The following GFOD1 variants were observed in gnomAD, a reference collection of about 807,000 sequenced individuals.
The protein encoded by GFOD1 is Gfo/Idh/MocA-like oxidoreductase domain containing 1.
GFOD1 carries 9 observed loss-of-function variants against 25.4 expected under a neutral mutation model. The observed-to-expected ratio is 0.35, with a 90% CI of 0.21 to 0.62. The LOEUF (loss-of-function observed/expected upper bound fraction) is 0.62. Among genes scored for constraint, GFOD1 ranks in the 20% least tolerant of loss-of-function variants. The pLI, the probability that GFOD1 is intolerant of heterozygous loss-of-function variation, is 0.72. For synonymous variants in GFOD1, 253 were observed against 245.6 expected (o/e 1.03, Z -0.28); for missense variants, 403 against 556.9 (o/e 0.72, Z 2.78).
chr6:13,384,904 T>C (rs1785434814), intron 1 of GFOD1, among the ~76,000 whole-genome samples: 1 of 152,224 alleles, frequency 6.6e-6, no homozygotes, highest in South Asian at 2.1e-4. Flanking sequence ...AGGTTGGGGC[T>C]CCGTTTTATT....
At chr6:13,367,931 G>T (rs943382322) in intron 1 of GFOD1, among the ~76,000 whole-genome samples, 1 of 152,006 alleles carries the variant, frequency 6.6e-6, no homozygotes, top group African/African-American at 2.4e-5. Flanking sequence ...CGCAGATGTG[G>T]GAGAGACCCC....
At chr6:13,395,818 G>A (rs1785718413) in intron 1 of GFOD1, among the ~76,000 whole-genome samples, 2 of 152,204 alleles carry the variant, frequency 1.3e-5, no homozygotes, top group South Asian at 4.1e-4. Flanking sequence ...TCCCAGCCAT[G>A]AGCACAGAAG....
intron 1 of GFOD1, among the ~76,000 whole-genome samples, chr6:13,395,952 G>C (rs377161463): frequency 6.6e-6 from 1 of 152,198 alleles, no homozygotes; most frequent in South Asian, 2.1e-4. Context: ...GATGAGCAGA[G>C]GGCAGGCGGA....
At chr6:13,378,439 C>G (rs997725605) in intron 1 of GFOD1, among the ~76,000 whole-genome samples, 17 of 152,206 alleles carry the variant, frequency 1.1e-4, no homozygotes, top group Admixed American at 1.0e-3. Flanking sequence ...AACTGGAAAG[C>G]AAGAAGGGCT....
chr6:13,475,761 TAATA>T (rs1758610593), intron 1 of GFOD1, among the ~76,000 whole-genome samples: 1 of 64,196 alleles, frequency 1.6e-5, no homozygotes, highest in Admixed American at 1.8e-4. Context: ...ATAATAATAA[TAATA>T]ATACAAAAAT....
Position 13,390,761 on chromosome 6 carries a change from AAGAGAG to A in GFOD1, c.254-25105_254-25100del, listed in dbSNP as rs70989852. ...AAAGAAAGACAGGAAGAGAGAGAGA[AAGAGAG>A]AGAGAGAGAGAGAAAGGAAGGAAGG... is the stretch of plus-strand genomic sequence containing the variant. On this transcript the variant is annotated intron_variant, in intron 1 of 1. Transcript: ENST00000379287. Among the ~76,000 whole-genome samples, 3 of 104,794 alleles carry A rather than the reference AAGAGAG, an allele frequency of 2.9e-5. No individual in the cohort carries two copies. The South Asian group carries it at 8.8e-4, about 31-fold the overall frequency. The allele number at this position is 104,794 out of a possible 152,430, so 68.7% of individuals were successfully genotyped here.
At position 13,439,513 on chromosome 6, in the gene GFOD1, G is replaced by C. The variant is rs1443733316; in HGVS notation, c.253+47125C>G. Among the ~76,000 whole-genome samples the C allele has an allele frequency of 3.3e-5, 5 of 152,330 alleles. No homozygotes were observed. In the East Asian group the frequency reaches 9.6e-4, roughly 29 times the overall value. On this transcript the variant is annotated intron_variant, in intron 1 of 1. Coordinates refer to ENST00000379287, the MANE Select transcript of GFOD1 (RefSeq NM_018988.4). ...CAGGTAGAGAAACTGAGCTCACCGG[G>C]CACAGTAGCTCATCTTGTAACCCAG...
At chr6:13,398,317 T>C (rs991745263) in intron 1 of GFOD1, among the ~76,000 whole-genome samples, 3 of 152,212 alleles carry the variant, frequency 2.0e-5, no homozygotes, top group African/African-American at 7.2e-5. Flanking sequence ...GAGGCTCACT[T>C]CCTTAGCAGG....
intron 1 of GFOD1, among the ~76,000 whole-genome samples, chr6:13,370,611 T>A (rs1040331596): frequency 1.3e-5 from 2 of 152,008 alleles, no homozygotes; most frequent in Non-Finnish European, 2.9e-5. Context: ...TTCCAGCTTT[T>A]CCCCACCCAA....
At position 13,446,906 on chromosome 6, in the gene GFOD1, CAG is replaced by C. The variant is rs1399679569; in HGVS notation, c.253+39730_253+39731del. ...CTGCCCATCTTCTAGGTGTCCAAAACAGAGATGGTTTCCCCAATTCTGAGTCC... is the reference window on the plus strand; with the variant it reads ...CTGCCCATCTTCTAGGTGTCCAAAACAGATGGTTTCCCCAATTCTGAGTCC... On this transcript the variant is annotated intron_variant, in intron 1 of 1. Coordinates refer to ENST00000379287, the MANE Select transcript of GFOD1 (RefSeq NM_018988.4). Among the ~76,000 whole-genome samples the C allele has an allele frequency of 2.0e-5, 3 of 152,228 alleles. No homozygotes were observed. In the East Asian group the frequency reaches 5.8e-4, roughly 29 times the overall value.
Position 13,430,402 on chromosome 6 carries a change from A to C in GFOD1, c.253+56236T>G, listed in dbSNP as rs1757727450. On this transcript the variant is annotated intron_variant, in intron 1 of 1. Coordinates refer to ENST00000379287, the MANE Select transcript of GFOD1 (RefSeq NM_018988.4). This position sits in a 1 kb window ranked among gnomAD's most constrained non-coding sequence, Gnocchi z 4.1. ...CAGTGATCCGAGATCACACCACTGC[A>C]CTCCAGCCTGGGTGACAGAACGAGA... Among the ~76,000 whole-genome samples the C allele has an allele frequency of 6.6e-6, 1 of 152,154 alleles. No homozygotes were observed. Among genetic ancestry groups the C allele is most frequent in the Non-Finnish European group, 1.5e-5 (1 of 68,028 alleles).
intron 1 of GFOD1, among the ~76,000 whole-genome samples, chr6:13,431,006 A>G (rs919584028): frequency 6.6e-6 from 1 of 152,274 alleles, no homozygotes; most frequent in African/African-American, 2.4e-5. Context: ...GCATAAAGAA[A>G]GCAGTGAAGG....
chr6:13,454,522 C>T (rs562164022), intron 1 of GFOD1, among the ~76,000 whole-genome samples: 15 of 152,170 alleles, frequency 9.9e-5, no homozygotes, highest in Non-Finnish European at 2.1e-4. Flanking sequence ...GTCCTACTTC[C>T]TGGCCTTTCA....
intron 1 of GFOD1, among the ~76,000 whole-genome samples, chr6:13,422,380 C>G (rs1434748375): frequency 6.6e-6 from 1 of 152,164 alleles, no homozygotes; most frequent in Non-Finnish European, 1.5e-5. Context: ...ACCCCATCCA[C>G]CCCGTGGAGG....
Position 13,364,911 on chromosome 6 carries a change from G to A in GFOD1, c.1005C>T (p.Ala335=). The change falls in exon 2 of 2, where the codon GCC becomes GCT. Residue 335 remains alanine (A), a synonymous_variant. Transcript: ENST00000379287. The surrounding 1 kb of genome is among the most constrained non-coding windows in gnomAD (Gnocchi z 4.1). ...TWDGRPLTMA[A]TFDDCLYALC... is the part of the protein sequence containing the mutation. ...AGGCATACAGGCAGTCGTCGAAGGTGGCGGCCATGGTGAGGGGCCGCCCAT... is the reference window on the plus strand; with the variant it reads ...AGGCATACAGGCAGTCGTCGAAGGTAGCGGCCATGGTGAGGGGCCGCCCAT... 6.2e-7 allele frequency: 1 copy of A among 1,613,318 alleles called. No individual in the cohort carries two copies. Among genetic ancestry groups the A allele is most frequent in the Non-Finnish European group, 8.5e-7 (1 of 1,180,026 alleles).
At position 13,487,196 on chromosome 6, in the gene GFOD1, C is replaced by A; in HGVS notation, c.-306G>T. The A allele has an allele frequency of 3.2e-6, 1 of 312,114 alleles. No homozygotes were observed. Among genetic ancestry groups the A allele is most frequent in the East Asian group, 5.3e-5 (1 of 18,904 alleles). The allele number at this position is 312,114 out of a possible 1,614,324, so 19.3% of individuals were successfully genotyped here. On this transcript the variant is annotated 5_prime_UTR_variant, in exon 1 of 2. Coordinates refer to ENST00000379287, the MANE Select transcript of GFOD1 (RefSeq NM_018988.4). This position sits in a 1 kb window ranked among gnomAD's most constrained non-coding sequence, Gnocchi z 4.9. ...GCTTCGAAGCCCCCTGGAGCCCCGG[C>A]TCAGGCTGCGCTCCCGCGGCAGCGC...
chr6:13,404,240 A>G (rs1355373126), intron 1 of GFOD1, among the ~76,000 whole-genome samples: 1 of 152,194 alleles, frequency 6.6e-6, no homozygotes, highest in Non-Finnish European at 1.5e-5. Flanking sequence ...AGTCTGATCC[A>G]GGCTCAGCCT....
intron 1 of GFOD1, among the ~76,000 whole-genome samples, chr6:13,366,735 T>TCC (rs1785056184): frequency 6.6e-6 from 1 of 152,026 alleles, no homozygotes; most frequent in African/African-American, 2.4e-5. Flanking sequence ...TCTTAAGTGG[T>TCC]CCCCTACCCT....
At chr6:13,390,072 T>C (rs1785556625) in intron 1 of GFOD1, among the ~76,000 whole-genome samples, 1 of 152,142 alleles carries the variant, frequency 6.6e-6, no homozygotes, top group African/African-American at 2.4e-5. Flanking sequence ...CCACCACCTC[T>C]GGGACATCCC....
Sources: allele counts gnomAD v4.1 joint callset (sites outside exome capture counted in the v4.1 genomes callset), GRCh38; gene constraint gnomAD v4.1.1; non-coding constraint Gnocchi (gnomAD v3.1); transcripts MANE v1.5; gene names NCBI Gene and HGNC (gene_info 2026-07-23, HGNC 2026-07-21).